Variants in SORCS1 observed in about 807,000 individuals in gnomAD.
SORCS1 encodes the protein sortilin related VPS10 domain containing receptor 1.
SORCS1 carries 60 observed loss-of-function variants against 146.1 expected under a neutral mutation model. The observed-to-expected ratio is 0.41, with a 90% CI of 0.33 to 0.51. SORCS1 has a LOEUF of 0.51. Ranked by LOEUF, SORCS1 falls within the 20% of genes least tolerant of loss-of-function variation. The probability of loss-of-function intolerance (pLI) is 0.21; values close to 1 mark genes in which losing one functional copy is unlikely to be tolerated. For missense variants in SORCS1, 1,352 were observed against 1,487.6 expected (o/e 0.91, Z 1.50); for synonymous variants, 637 against 584.0 (o/e 1.09, Z -1.31).
In SORCS1 at chr10:106,608,041, T is replaced by C. The variant is rs529960684; in HGVS notation, c.3034-744A>G. 6.6e-5 allele frequency among the ~76,000 whole-genome samples: 10 copies of C among 152,350 alleles called. No homozygotes were observed. In the South Asian group the frequency reaches 2.1e-3, roughly 32 times the overall value. ...CTCACTGTTCTCTCTCTTGAGCTTA[T>C]ACCCCAGGGTTTCCCCTGAATCCTC... On this transcript the variant is annotated intron_variant, in intron 22 of 25. Coordinates refer to ENST00000263054, the MANE Select transcript of SORCS1 (RefSeq NM_052918.5).
chr10:106,653,104 C>T (rs1282087875), intron 17 of SORCS1, among the ~76,000 whole-genome samples: 13 of 152,190 alleles, frequency 8.5e-5, no homozygotes, highest in Non-Finnish European at 1.6e-4. Context: ...AGAGGTTATA[C>T]TGGCTAAATG....
At chr10:106,612,933 C>A (rs901241602) in intron 21 of SORCS1, among the ~76,000 whole-genome samples, 3 of 152,106 alleles carry the variant, frequency 2.0e-5, no homozygotes, top group African/African-American at 7.2e-5. Flanking sequence ...ACTGTCCATG[C>A]ACAAAATATT....
intron 5 of SORCS1, among the ~76,000 whole-genome samples, chr10:106,760,727 A>T (rs1357530648): frequency 6.6e-6 from 1 of 151,888 alleles, no homozygotes; most frequent in Non-Finnish European, 1.5e-5. Flanking sequence ...ACACACACAC[A>T]CACACACACG....
chr10:106,934,011 T>G (rs1186673305), intron 2 of SORCS1, among the ~76,000 whole-genome samples: 1 of 150,832 alleles, frequency 6.6e-6, no homozygotes, highest in East Asian at 2.0e-4. Flanking sequence ...GAAGAATCAC[T>G]TGAACCCAGG....
At chr10:106,849,409 G>A (rs1404406558) in intron 2 of SORCS1, among the ~76,000 whole-genome samples, 1 of 146,866 alleles carries the variant, frequency 6.8e-6, no homozygotes, top group Non-Finnish European at 1.5e-5. Context: ...TCTTCAGGTA[G>A]TTCTTGAGCC....
At chr10:106,917,382 A>C (rs991580387) in intron 2 of SORCS1, among the ~76,000 whole-genome samples, 7 of 152,124 alleles carry the variant, frequency 4.6e-5, no homozygotes, top group Admixed American at 1.3e-4. Context: ...TGGCTGAAAA[A>C]TTACTTCCAC....
At chr10:107,042,605 T>G (rs1225138805) in intron 1 of SORCS1, among the ~76,000 whole-genome samples, 3 of 134,812 alleles carry the variant, frequency 2.2e-5, no homozygotes, top group African/African-American at 9.1e-5. Flanking sequence ...AGCGGGGAAG[T>G]GAACTATTTT....
At chr10:107,029,393 G>A (rs947138695) in intron 1 of SORCS1, among the ~76,000 whole-genome samples, 6 of 152,150 alleles carry the variant, frequency 3.9e-5, no homozygotes, top group African/African-American at 1.4e-4. Flanking sequence ...TTATGTGGGA[G>A]CTCCCATCCT....
rs562733616 is a variant in SORCS1 at position 107,140,616 on chromosome 10, C to A, written c.558+23353G>T. Among the ~76,000 whole-genome samples the A allele has an allele frequency of 2.6e-4, 39 of 152,288 alleles. 1 individual carries two copies. In the South Asian group the frequency reaches 6.2e-3, roughly 24 times the overall value. ...TTATGAAGGCCAGCTGTCTTACCAA[C>A]CATTGTGATAAAATAGCTAATATTA... On this transcript the variant is annotated intron_variant, in intron 1 of 25. Coordinates refer to ENST00000263054, the MANE Select transcript of SORCS1 (RefSeq NM_052918.5).
rs542897361 is a variant in SORCS1 at position 106,986,423 on chromosome 10, A to G, written c.559-29843T>C. The stretch of plus-strand genomic sequence containing the variant: ...CCATACTTAGCCATACCATAGTCAA[A>G]CTGCTAAAATATTCATTATTTCCAT... On this transcript the variant is annotated intron_variant, in intron 1 of 25. Transcript: ENST00000263054. Among the ~76,000 whole-genome samples, 14 of 152,194 alleles carry G rather than the reference A, an allele frequency of 9.2e-5. No homozygotes were observed. The South Asian group carries it at 2.7e-3, about 29-fold the overall frequency.
At chr10:106,633,670 C>A (rs1227671174) in intron 18 of SORCS1, among the ~76,000 whole-genome samples, 1 of 88,932 alleles carries the variant, frequency 1.1e-5, no homozygotes, top group Non-Finnish European at 2.1e-5. Flanking sequence ...GTAGATTAAA[C>A]AAACAAACAA....
intron 2 of SORCS1, among the ~76,000 whole-genome samples, chr10:106,842,511 G>C (rs1316472148): frequency 6.6e-6 from 1 of 152,124 alleles, no homozygotes; most frequent in Non-Finnish European, 1.5e-5. Context: ...TGGAATTACA[G>C]GCGTGAGCCA....
At chr10:106,648,880 CCT>C (rs1554887574) in intron 18 of SORCS1, among the ~76,000 whole-genome samples, 2 of 151,868 alleles carry the variant, frequency 1.3e-5, no homozygotes, top group East Asian at 2.0e-4. Context: ...TATAAAAACC[CCT>C]GACACCCTAG....
At chr10:106,638,139 A>G (rs7910603) in intron 18 of SORCS1, among the ~76,000 whole-genome samples, 39,261 of 152,054 alleles carry the variant, frequency 0.26, 6,817 homozygotes, top group East Asian at 0.51. Context: ...CCACTGCATG[A>G]TGTGGCTGTA....
At chr10:106,945,694 T>C (rs1265820637) in intron 2 of SORCS1, among the ~76,000 whole-genome samples, 1 of 152,250 alleles carries the variant, frequency 6.6e-6, no homozygotes, top group Non-Finnish European at 1.5e-5. Flanking sequence ...TCAGCTTATA[T>C]TGGCAAAGTT....
chr10:106,673,554 T>C (rs1851775623), intron 14 of SORCS1, among the ~76,000 whole-genome samples: 1 of 152,218 alleles, frequency 6.6e-6, no homozygotes, highest in Non-Finnish European at 1.5e-5. Flanking sequence ...GAGTATTTAA[T>C]TCAAGAGCCC....
At chr10:107,114,410 A>T (rs1428632986) in intron 1 of SORCS1, among the ~76,000 whole-genome samples, 1 of 152,216 alleles carries the variant, frequency 6.6e-6, no homozygotes, top group Non-Finnish European at 1.5e-5. Context: ...TCAGAAGCAC[A>T]TTAAAAGGAT....
rs982839523 is a variant in SORCS1, at chr10:106,709,117, C to T, written c.1143+106G>A. ...CTCTCCCTACCTCCTTCCCTCCCTC[C>T]CATCCTCTCTTTTTGACTCTTAATG... On this transcript the variant is annotated intron_variant, in intron 7 of 25. Coordinates refer to ENST00000263054, the MANE Select transcript of SORCS1 (RefSeq NM_052918.5). The T allele has an allele frequency of 6.3e-6, 5 of 793,770 alleles. No individual in the cohort carries two copies. In the African/African-American group the frequency reaches 7.0e-5, roughly 11 times the overall value. The allele number at this position is 793,770 out of a possible 1,614,324, so 49.2% of individuals were successfully genotyped here.
At chr10:106,806,399 T>TAAA (rs1331968878) in intron 3 of SORCS1, among the ~76,000 whole-genome samples, 14 of 127,546 alleles carry the variant, frequency 1.1e-4, no homozygotes, top group Non-Finnish European at 1.9e-4. Context: ...TAAAATAAAA[T>TAAA]AAAATAAAAT....
Sources: gnomAD v4.1 joint callset for allele counts (sites outside exome capture counted in the v4.1 genomes callset) on GRCh38, gnomAD v4.1.1 for gene constraint, MANE v1.5 for transcripts, NCBI Gene and HGNC (gene_info 2026-07-23, HGNC 2026-07-21) for gene names.